The following MAP2 variants were observed in gnomAD, a reference collection of about 807,000 sequenced individuals.
The protein encoded by MAP2 is microtubule-associated protein 2.
Under a neutral mutation model 137.6 loss-of-function variants are expected in MAP2, and 14 were observed. The observed-to-expected ratio is 0.10, with a 90% CI of 0.07 to 0.16. The LOEUF is 0.16. Among genes scored for constraint, MAP2 ranks in the 10% least tolerant of loss-of-function variants. MAP2 has a pLI of 1.00. For synonymous variants in MAP2, 786 were observed against 782.3 expected (o/e 1.00, Z -0.08); for missense variants, 2,088 against 2,191.5 (o/e 0.95, Z 0.94).
At chr2:209,475,746 C>A (rs1707043860) in intron 1 of MAP2, among the ~76,000 whole-genome samples, 1 of 152,038 alleles carries the variant, frequency 6.6e-6, no homozygotes, top group Non-Finnish European at 1.5e-5. Context: ...GTTTTTAATG[C>A]ATATTTAACT....
In MAP2 at chr2:209,694,683, C is replaced by G. The variant is rs2059748862; in HGVS notation, c.2513C>G (p.Thr838Ser). The change falls in exon 8 of 16, where the codon ACT becomes AGT. Residue 838 changes from threonine (T) to serine (S), a missense_variant. By Grantham distance (58) the Thr-to-Ser change is moderately conservative. This residue lies in a region of MAP2 where 500 missense variants were observed against 482.9 expected (regional missense o/e 1.04). Transcript: ENST00000682079. ...AGGAGGAAATCAGTCCCATCAGAGACTGTGGTTGAGGATAGTCGTACTGGC... is the reference window on the plus strand; with the variant it reads ...AGGAGGAAATCAGTCCCATCAGAGAGTGTGGTTGAGGATAGTCGTACTGGC... ...VARRKSVPSETVVEDSRTGLP... is the reference protein window; with the variant it reads ...VARRKSVPSESVVEDSRTGLP... 6.2e-7 allele frequency: 1 copy of G among 1,613,998 alleles called. No homozygotes were observed. Among genetic ancestry groups the G allele is most frequent in the Non-Finnish European group, 8.5e-7 (1 of 1,180,034 alleles).
At chr2:209,711,627 C>G (rs1014180009) in intron 13 of MAP2, among the ~76,000 whole-genome samples, 1 of 152,136 alleles carries the variant, frequency 6.6e-6, no homozygotes, top group African/African-American at 2.4e-5. Context: ...AAAACTCAAA[C>G]TATTCTTGCG....
chr2:209,523,316 G>T (rs1435782737), intron 2 of MAP2, among the ~76,000 whole-genome samples: 1 of 152,108 alleles, frequency 6.6e-6, no homozygotes. Flanking sequence ...CACATGGCTT[G>T]TCATTACTGT....
chr2:209,570,130 C>T (rs1273814724), intron 2 of MAP2, among the ~76,000 whole-genome samples: 1 of 151,840 alleles, frequency 6.6e-6, no homozygotes, highest in Non-Finnish European at 1.5e-5. Context: ...TTAATCTTAT[C>T]TGTTTTATGC....
At chr2:209,677,462 G>A (rs2052467012) in intron 5 of MAP2, among the ~76,000 whole-genome samples, 1 of 151,512 alleles carries the variant, frequency 6.6e-6, no homozygotes, top group African/African-American at 2.4e-5. Context: ...CTCAATTGTG[G>A]CTCATCACTT....
chr2:209,550,615 T>C (rs2068976599), intron 2 of MAP2, among the ~76,000 whole-genome samples: 1 of 152,136 alleles, frequency 6.6e-6, no homozygotes, highest in Non-Finnish European at 1.5e-5. Flanking sequence ...GTAAGCCAGA[T>C]ATAGCTGAAT....
At chr2:209,647,974 C>CT (rs2094518013) in intron 4 of MAP2, among the ~76,000 whole-genome samples, 1 of 151,642 alleles carries the variant, frequency 6.6e-6, no homozygotes. Context: ...AATATTTTTT[C>CT]TTTTTTTTAA....
chr2:209,730,597 G>A lies in MAP2; in HGVS notation c.*200G>A. The A allele has an allele frequency of 5.3e-6, 3 of 570,576 alleles. No homozygotes were observed. Among genetic ancestry groups the A allele is most frequent in the Non-Finnish European group, 9.4e-6 (3 of 320,464 alleles). The allele number at this position is 570,576 out of a possible 1,614,324, so 35.3% of individuals were successfully genotyped here. A position where few individuals can be genotyped will look rare whatever the true frequency, so the allele number is the denominator to read the frequency against. ...TTGACCTGATTTCCATTTGCAACAG[G>A]AAGACACTGGCTTTACATGGGTTCA... On this transcript the variant is annotated 3_prime_UTR_variant, in exon 16 of 16. Transcript: ENST00000682079.
chr2:209,732,253 A>G lies in MAP2; in HGVS notation c.*1856A>G, dbSNP rs1053914610. 6.6e-6 allele frequency: 1 copy of G among 152,214 alleles called. No homozygotes were observed. The highest frequency in any genetic ancestry group is 1.5e-5 in the Non-Finnish European group (1 of 68,048). The allele number at this position is 152,214 out of a possible 1,614,324, so 9.4% of individuals were successfully genotyped here. ...AAACATCCAAGACAAAAGCCAAGGGATGCAAAGGCAGAGACACAGGTGCTT... is the reference window on the plus strand; with the variant it reads ...AAACATCCAAGACAAAAGCCAAGGGGTGCAAAGGCAGAGACACAGGTGCTT... On this transcript the variant is annotated 3_prime_UTR_variant, in exon 16 of 16. Coordinates refer to ENST00000682079, the MANE Select transcript of MAP2 (RefSeq NM_001375505.1).
chr2:209,518,780 G>A (rs761624896), intron 2 of MAP2, among the ~76,000 whole-genome samples: 8 of 151,864 alleles, frequency 5.3e-5, no homozygotes, highest in Admixed American at 1.3e-4. Flanking sequence ...TGTTTTTGTC[G>A]TAGGTTTTAT....
At chr2:209,533,206 A>G (rs1306981665) in intron 2 of MAP2, among the ~76,000 whole-genome samples, 2 of 151,962 alleles carry the variant, frequency 1.3e-5, no homozygotes, top group Non-Finnish European at 2.9e-5. Context: ...GTGCAATGGC[A>G]TGGTCTCAGC....
At chr2:209,684,077 C>T (rs1424179024) in intron 7 of MAP2, among the ~76,000 whole-genome samples, 3 of 152,084 alleles carry the variant, frequency 2.0e-5, no homozygotes, top group Admixed American at 6.6e-5. Flanking sequence ...AAAGGATCTA[C>T]GGTACAGTAA....
intron 2 of MAP2, among the ~76,000 whole-genome samples, chr2:209,531,677 T>G (rs2065132914): frequency 6.6e-6 from 1 of 152,198 alleles, no homozygotes; most frequent in Non-Finnish European, 1.5e-5. Context: ...AATTTTGAAA[T>G]TCAAATAATG....
intron 1 of MAP2, among the ~76,000 whole-genome samples, chr2:209,438,159 C>T (rs1461413350): frequency 6.6e-6 from 1 of 151,280 alleles, no homozygotes; most frequent in Non-Finnish European, 1.5e-5. Flanking sequence ...TTGTACTTTG[C>T]TAAAGTGAGT....
intron 1 of MAP2, among the ~76,000 whole-genome samples, chr2:209,445,185 G>T (rs1276351268): frequency 6.6e-6 from 1 of 151,504 alleles, no homozygotes; most frequent in African/African-American, 2.4e-5. Context: ...ATTAAAAATT[G>T]CTAATAAAGC....
chr2:209,640,000 T>G (rs1190350651), intron 4 of MAP2, among the ~76,000 whole-genome samples: 1 of 152,032 alleles, frequency 6.6e-6, no homozygotes, highest in African/African-American at 2.4e-5. Flanking sequence ...TTCTAGAAAG[T>G]GTTGCCTAGC....
intron 3 of MAP2, among the ~76,000 whole-genome samples, chr2:209,609,310 T>A (rs1168134837): frequency 2.0e-5 from 3 of 152,282 alleles, no homozygotes; most frequent in Non-Finnish European, 2.9e-5. Context: ...TGTCATTGGG[T>A]CATTAATTTT....
chr2:209,595,915 T>C (rs1418054934), intron 3 of MAP2, among the ~76,000 whole-genome samples: 1 of 152,038 alleles, frequency 6.6e-6, no homozygotes, highest in African/African-American at 2.4e-5. Flanking sequence ...TGAGAACACT[T>C]GGACACAGGG....
chr2:209,655,415 A>G (rs901454856), intron 5 of MAP2, among the ~76,000 whole-genome samples: 1 of 152,236 alleles, frequency 6.6e-6, no homozygotes, highest in East Asian at 1.9e-4. Context: ...TCCATGAGAT[A>G]TGCATGTGTA....
Sources: allele counts gnomAD v4.1 joint callset (sites outside exome capture counted in the v4.1 genomes callset), GRCh38; gene constraint gnomAD v4.1.1; regional missense constraint gnomAD v4.1.1; transcripts MANE v1.5; gene names NCBI Gene and HGNC (gene_info 2026-07-23, HGNC 2026-07-21).